The following PTHLH variants were observed in gnomAD, a reference collection of about 807,000 sequenced individuals.
The protein encoded by PTHLH is parathyroid hormone like hormone.
Under a neutral mutation model 18.6 loss-of-function variants are expected in PTHLH, and 5 were observed. The observed-to-expected ratio is 0.27, with a 90% CI of 0.14 to 0.56. PTHLH has a LOEUF of 0.56. PTHLH is among the 20% of genes least tolerant of loss of function. The pLI, the probability that PTHLH is intolerant of heterozygous loss-of-function variation, is 0.92. For missense variants in PTHLH, 207 were observed against 223.9 expected (o/e 0.92, Z 0.48); for synonymous variants, 90 against 94.0 (o/e 0.96, Z 0.25).
rs976922115 is a variant in PTHLH, at chr12:27,970,142, G to A, written c.-140C>T. 2 of 518,332 alleles carry A rather than the reference G, an allele frequency of 3.9e-6. No homozygotes were observed. Among genetic ancestry groups the A allele is most frequent in the Non-Finnish European group, 7.7e-6 (2 of 259,656 alleles). 32.1% of individuals were successfully genotyped at this position (518,332 alleles called of 1,614,324 possible). On this transcript the variant is annotated 5_prime_UTR_variant, in exon 3 of 6. Coordinates refer to ENST00000545234, the MANE Select transcript of PTHLH (RefSeq NM_198965.2). ...GTGGCGGCGAGGGCGGGTCGTTAGTGGCAGCCGGAGCGGCAGGGAGGCGGC... is the reference window on the plus strand; with the variant it reads ...GTGGCGGCGAGGGCGGGTCGTTAGTAGCAGCCGGAGCGGCAGGGAGGCGGC...
rs1243232701 is a variant in PTHLH, at chr12:27,958,291, A to T, written c.*268T>A. 3.2e-6 allele frequency: 1 copy of T among 311,030 alleles called. No homozygotes were observed. Among genetic ancestry groups the T allele is most frequent in the Non-Finnish European group, 5.9e-6 (1 of 170,872 alleles). The allele number at this position is 311,030 out of a possible 1,614,324, so 19.3% of individuals were successfully genotyped here. A position where few individuals can be genotyped will look rare whatever the true frequency, so the allele number is the denominator to read the frequency against. The stretch of plus-strand genomic sequence containing the variant: ...TGCATTATGTTACAAAAAATATAGA[A>T]ATTCAGCAGCACCAAGATACATTTA... On this transcript the variant is annotated 3_prime_UTR_variant, in exon 6 of 6. Coordinates refer to ENST00000545234, the MANE Select transcript of PTHLH (RefSeq NM_198965.2).
At chr12:27,969,358 C>T (rs1382476645) in intron 4 of PTHLH, 36 bp downstream of exon 4, 1 of 1,540,556 alleles carries the variant, frequency 6.5e-7, no homozygotes. Context: ...CCCTGGCCTC[C>T]CCAACCCGGC....
At chr12:27,970,867 C>T (rs1306428996) in intron 2 of PTHLH, among the ~76,000 whole-genome samples, 1 of 152,220 alleles carries the variant, frequency 6.6e-6, no homozygotes, top group Non-Finnish European at 1.5e-5. Flanking sequence ...CTCCCTGGCC[C>T]ATTCCCGGGA....
At chr12:27,962,802 T>A (rs1285219558) in intron 5 of PTHLH, 2 of 970,232 alleles carry the variant, frequency 2.1e-6, no homozygotes, top group South Asian at 4.8e-5. Flanking sequence ...TTAAGTTCTT[T>A]ACATTAAAAT....
Position 27,963,515 on chromosome 12 carries a change from G to C in PTHLH, c.357C>G (p.Leu119=). 6.2e-7 allele frequency: 1 copy of C among 1,614,116 alleles called. No individual in the cohort carries two copies. Among genetic ancestry groups the C allele is most frequent in the Non-Finnish European group, 8.5e-7 (1 of 1,180,032 alleles). ...CTTTCTTTTTCTTCCCAGGTGTCTT[G>C]AGCGGCTGCTCTTTGTACGTCTCCA... ...NKVETYKEQP[L]KTPGKKKKGK... The change falls in exon 5 of 6, where the codon CTC becomes CTG. Residue 119 remains leucine (L), a synonymous_variant. Transcript: ENST00000545234.
At chr12:27,960,952 G>A (rs2062747943) in intron 5 of PTHLH, among the ~76,000 whole-genome samples, 1 of 151,928 alleles carries the variant, frequency 6.6e-6, no homozygotes, top group Admixed American at 6.6e-5. Flanking sequence ...ACACTCCTAA[G>A]CTTCCTCACT....
At chr12:27,969,025 A>T in intron 4 of PTHLH, 1 of 289,906 alleles carries the variant, frequency 3.4e-6, no homozygotes, top group East Asian at 7.7e-5. Flanking sequence ...ATACGTCCCC[A>T]GGACCGCTCA....
At chr12:27,969,984 T>C (rs1219596372) in intron 3 of PTHLH, 41 bp downstream of exon 3, 2 of 519,006 alleles carry the variant, frequency 3.9e-6, no homozygotes, top group African/African-American at 3.8e-5. Context: ...CAGAGCCACT[T>C]GTAGCGAAAC....
At chr12:27,964,136 C>T (rs540519151) in intron 4 of PTHLH, among the ~76,000 whole-genome samples, 1 of 152,160 alleles carries the variant, frequency 6.6e-6, no homozygotes, top group South Asian at 2.1e-4. Flanking sequence ...TAGACAGAAA[C>T]CACGGAGTAT....
chr12:27,962,581 GC>G, intron 5 of PTHLH: 1 of 985,442 alleles, frequency 1.0e-6, no homozygotes, highest in Non-Finnish European at 1.2e-6. Flanking sequence ...GGATAAACAA[GC>G]CACATAAATG....
At chr12:27,969,915 A>G (rs749850851) in intron 3 of PTHLH, 110 bp downstream of exon 3, 1 of 520,432 alleles carries the variant, frequency 1.9e-6, no homozygotes, top group South Asian at 1.4e-5. Flanking sequence ...ACCGCCTCCT[A>G]AAAGAAGAAA....
chr12:27,961,303 A>ATATATATACG (rs1456344317), intron 5 of PTHLH, among the ~76,000 whole-genome samples: 68 of 19,818 alleles, frequency 3.4e-3, no homozygotes, highest in African/African-American at 0.017. Context: ...ATATATACGT[A>ATATATATACG]TATATATATA....
chr12:27,963,094 G>A (rs113471573), intron 5 of PTHLH: 1 of 1,396,310 alleles, frequency 7.2e-7, no homozygotes, highest in Non-Finnish European at 9.3e-7. Context: ...AAGGATTGAT[G>A]TTGGGTGACG....
chr12:27,963,774 T>C lies in PTHLH; in HGVS notation c.102-4A>G. 1 of 1,613,946 alleles carries C rather than the reference T, an allele frequency of 6.2e-7. No homozygotes were observed. The highest frequency in any genetic ancestry group is 8.5e-7 in the Non-Finnish European group (1 of 1,179,944). On this transcript the variant is annotated splice_polypyrimidine_tract_variant and splice_region_variant and intron_variant, in intron 4 of 5. Coordinates refer to ENST00000545234, the MANE Select transcript of PTHLH (RefSeq NM_198965.2). ...ATGTTCAGACACAGCTCTTTTGCTT[T>C]GAAAGAAAATATTAGAGGGGAAGAA... is the stretch of plus-strand genomic sequence containing the variant.
intron 4 of PTHLH, among the ~76,000 whole-genome samples, chr12:27,967,826 C>A (rs1351084414): frequency 6.6e-6 from 1 of 152,104 alleles, no homozygotes; most frequent in Non-Finnish European, 1.5e-5. Flanking sequence ...TTGTAAGGTG[C>A]AACAAAGAAA....
At chr12:27,967,328 G>A (rs566495718) in intron 4 of PTHLH, among the ~76,000 whole-genome samples, 1 of 152,204 alleles carries the variant, frequency 6.6e-6, no homozygotes, top group South Asian at 2.1e-4. Context: ...CCTTTGCATG[G>A]TTTAGGAAGT....
At chr12:27,963,971 T>G (rs2062785841) in intron 4 of PTHLH, among the ~76,000 whole-genome samples, 2 of 152,062 alleles carry the variant, frequency 1.3e-5, no homozygotes, top group South Asian at 4.2e-4. Flanking sequence ...CAGCTCATGG[T>G]CCCAGTTCTA....
chr12:27,969,066 T>G, intron 4 of PTHLH: 1 of 337,274 alleles, frequency 3.0e-6, no homozygotes, highest in Non-Finnish European at 5.6e-6. Context: ...GCTTCCCGGG[T>G]CCTGACAGTA....
chr12:27,958,588 A>C lies in PTHLH; in HGVS notation c.525-20T>G, dbSNP rs769123114. On this transcript the variant is annotated intron_variant, in intron 5 of 5. Coordinates refer to ENST00000545234, the MANE Select transcript of PTHLH (RefSeq NM_198965.2). ...TGCCTCCTGCAAAAAGAAGGAAGAG[A>C]AAGAAAAGGAGAAAACAGGTTAGTT... 1.3e-6 allele frequency: 2 copies of C among 1,563,078 alleles called. No homozygotes were observed. Among genetic ancestry groups the C allele is most frequent in the South Asian group, 1.2e-5 (1 of 84,446 alleles).
Sources: gnomAD v4.1 joint callset for allele counts (sites outside exome capture counted in the v4.1 genomes callset) on GRCh38, gnomAD v4.1.1 for gene constraint, MANE v1.5 for transcripts, NCBI Gene and HGNC (gene_info 2026-07-23, HGNC 2026-07-21) for gene names.